EYS: variants seen among roughly 807,000 people sequenced by gnomAD.
EYS encodes protein eyes shut homolog.
In EYS, 250 loss-of-function variants were observed where a neutral mutation model predicts 282.1. That is an observed-to-expected ratio of 0.89 (90% confidence interval 0.80 to 0.98). The LOEUF is 0.98. Among genes scored for constraint, EYS ranks in the 50% least tolerant of loss-of-function variants. EYS has a pLI of 0.00. For missense variants in EYS, 4,016 were observed against 3,709.0 expected (o/e 1.08, Z -2.15); for synonymous variants, 1,355 against 1,282.9 (o/e 1.06, Z -1.20).
intron 36 of EYS, among the ~76,000 whole-genome samples, chr6:63,837,662 C>A (rs1771843335): frequency 6.6e-6 from 1 of 152,062 alleles, no homozygotes. Flanking sequence ...AAAGAATTAA[C>A]CAAGTGAATT....
At chr6:65,199,744 A>C (rs545957941) in intron 12 of EYS, among the ~76,000 whole-genome samples, 16 of 152,256 alleles carry the variant, frequency 1.1e-4, no homozygotes, top group African/African-American at 3.8e-4. Flanking sequence ...CAGGAGTGGT[A>C]AGCTGAATAG....
chr6:63,974,327 C>A (rs879881570), intron 35 of EYS, among the ~76,000 whole-genome samples: 15 of 151,598 alleles, frequency 9.9e-5, no homozygotes, highest in Non-Finnish European at 1.6e-4. Flanking sequence ...CTAAAAAAAA[C>A]CATTAATAAA....
chr6:65,231,155 A>ACTTTTATATATATG (rs1766771666), intron 12 of EYS, among the ~76,000 whole-genome samples: 1 of 145,648 alleles, frequency 6.9e-6, no homozygotes, highest in African/African-American at 2.5e-5. Flanking sequence ...TTATATATAT[A>ACTTTTATATATATG]CTTTTATATA....
chr6:64,670,485 A>G (rs1393782018), intron 22 of EYS, among the ~76,000 whole-genome samples: 1 of 152,126 alleles, frequency 6.6e-6, no homozygotes, highest in African/African-American at 2.4e-5. Context: ...AACTACAGGC[A>G]GAACCGTGTT....
chr6:64,340,984 C>T (rs186367585), intron 29 of EYS, among the ~76,000 whole-genome samples: 168 of 151,788 alleles, frequency 1.1e-3, no homozygotes, highest in Non-Finnish European at 1.8e-3. Flanking sequence ...CACTAATCAT[C>T]AGAGAAACGC....
At chr6:64,586,374 G>A (rs960790808) in intron 26 of EYS, among the ~76,000 whole-genome samples, 10 of 151,994 alleles carry the variant, frequency 6.6e-5, no homozygotes, top group Non-Finnish European at 1.5e-4. Context: ...GACACTTAAT[G>A]CATTTTTTCC....
At chr6:63,829,611 G>T (rs1323140807) in intron 36 of EYS, among the ~76,000 whole-genome samples, 2 of 152,376 alleles carry the variant, frequency 1.3e-5, no homozygotes, top group African/African-American at 4.8e-5. Context: ...AGGCCTGCCT[G>T]CCTCTGTAGA....
At position 64,593,144 on chromosome 6, in the gene EYS, T is replaced by C. The variant is rs1766463764; in HGVS notation, c.3850A>G (p.Ile1284Val). Residue 1284 changes from isoleucine to valine, a missense_variant, in exon 25 of 43, where the codon ATA becomes GTA. By Grantham distance (29) the Ile-to-Val change is conservative. Coordinates refer to ENST00000503581, the MANE Select transcript of EYS (RefSeq NM_001142800.2). ...TGATCAACTGGGTAAGTGTCCATTA[T>C]GGCTGGTATTCTAGTAGCCTTTATA... The part of the protein sequence containing the change: ...PSIKATRIPA[I>V]MDTYPVDQGP... The C allele has an allele frequency of 5.2e-6, 8 of 1,540,792 alleles. No homozygotes were observed. The highest frequency in any genetic ancestry group is 7.0e-6 in the Non-Finnish European group (8 of 1,142,698).
intron 15 of EYS, among the ~76,000 whole-genome samples, chr6:64,923,991 C>G (rs1035052602): frequency 6.6e-6 from 1 of 152,184 alleles, no homozygotes; most frequent in Non-Finnish European, 1.5e-5. Context: ...CCTCTTCTCA[C>G]AGCTCCACTA....
At chr6:64,615,442 CAAATATTTTATCAAATATTTT>C (rs1364047448) in intron 24 of EYS, among the ~76,000 whole-genome samples, 1 of 151,982 alleles carries the variant, frequency 6.6e-6, no homozygotes, top group Non-Finnish European at 1.5e-5. Context: ...TAACGTGCTA[CAAATATTTTATCAAATATTTT>C]GAATATTTGA....
At chr6:65,087,521 T>G (rs929034117) in intron 12 of EYS, among the ~76,000 whole-genome samples, 5 of 152,110 alleles carry the variant, frequency 3.3e-5, no homozygotes, top group African/African-American at 1.2e-4. Context: ...CTTCTCATTC[T>G]TTTCACTCTT....
In EYS at chr6:65,405,683, A is replaced by AT. The variant is rs527921154; in HGVS notation, c.863-317dup. ...GTTCCAGGCATTTCATTAGAAAGGT[A>AT]TGATGGAGTATTTGGTCTTTTGCGA... is the stretch of plus-strand genomic sequence containing the variant. On this transcript the variant is annotated intron_variant, in intron 5 of 42. Transcript: ENST00000503581. 3.2e-4 allele frequency among the ~76,000 whole-genome samples: 48 copies of AT among 152,188 alleles called. No individual in the cohort carries two copies. The East Asian group carries it at 5.4e-3, about 17-fold the overall frequency.
At chr6:64,538,918 G>T (rs558506405) in intron 26 of EYS, among the ~76,000 whole-genome samples, 1 of 151,996 alleles carries the variant, frequency 6.6e-6, no homozygotes, top group South Asian at 2.1e-4. Flanking sequence ...TAGTAATTGC[G>T]CTGCTAACCT....
At chr6:63,793,842 C>T (rs1221270049) in intron 37 of EYS, among the ~76,000 whole-genome samples, 1 of 152,122 alleles carries the variant, frequency 6.6e-6, no homozygotes, top group Non-Finnish European at 1.5e-5. Flanking sequence ...AAAATGAGAC[C>T]TTCCTGAACA....
At chr6:64,958,692 G>T (rs1383307367) in intron 14 of EYS, among the ~76,000 whole-genome samples, 89 of 116,550 alleles carry the variant, frequency 7.6e-4, no homozygotes, top group African/African-American at 2.8e-3. Context: ...CGGAGATCGC[G>T]CCACAGCACT....
chr6:65,583,253 T>C (rs1490989719), intron 2 of EYS, among the ~76,000 whole-genome samples: 1 of 152,050 alleles, frequency 6.6e-6, no homozygotes, highest in Non-Finnish European at 1.5e-5. Flanking sequence ...TATTTTAATA[T>C]TGTTTTCTCT....
chr6:65,150,089 G>C (rs1015063782), intron 12 of EYS, among the ~76,000 whole-genome samples: 1 of 151,858 alleles, frequency 6.6e-6, no homozygotes, highest in Non-Finnish European at 1.5e-5. Context: ...CTTCACACTG[G>C]GTCCTTCCCA....
chr6:65,215,752 T>C (rs1227404758), intron 12 of EYS, among the ~76,000 whole-genome samples: 1 of 152,064 alleles, frequency 6.6e-6, no homozygotes, highest in Non-Finnish European at 1.5e-5. Context: ...TTTGGCACAG[T>C]CTCTTTAGCA....
chr6:64,067,116 T>C (rs1363639154), intron 32 of EYS, among the ~76,000 whole-genome samples: 1 of 152,146 alleles, frequency 6.6e-6, no homozygotes, highest in Non-Finnish European at 1.5e-5. Context: ...CAATTTTATT[T>C]TTAAAAATGA....
Sources: allele counts gnomAD v4.1 joint callset (sites outside exome capture counted in the v4.1 genomes callset), GRCh38; gene constraint gnomAD v4.1.1; transcripts MANE v1.5; gene names NCBI Gene and HGNC (gene_info 2026-07-23, HGNC 2026-07-21).